DNHD1: variants seen among roughly 807,000 people sequenced by gnomAD.
DNHD1 encodes dynein heavy chain domain-containing protein 1.
DNHD1 carries 383 observed loss-of-function variants against 458.1 expected under a neutral mutation model. The observed-to-expected ratio is 0.84, with a 90% CI of 0.77 to 0.91. The LOEUF (loss-of-function observed/expected upper bound fraction) is 0.91, where lower values mean the gene tolerates loss of function less well. Among genes scored for constraint, DNHD1 ranks in the 40% least tolerant of loss-of-function variants. The pLI, the probability that DNHD1 is intolerant of heterozygous loss-of-function variation, is 0.00. For missense variants in DNHD1, 5,336 were observed against 5,866.1 expected, an observed-to-expected ratio of 0.91 and a Z score of 2.95; for synonymous variants, 2,203 against 2,376.9, an observed-to-expected ratio of 0.93 and a Z score of 2.13.
rs1390283892 is a variant in DNHD1, at chr11:6,508,892, G to C, written c.933G>C (p.Leu311=). The change falls in exon 5 of 43, where the codon CTG becomes CTC. Residue 311 remains leucine, a synonymous_variant. Transcript: ENST00000254579. ...APSRYFRPYS[L]MVVPPDKVNP... ...TCTTTTTTTAAAGGCCTTACAGCCTGATGGTGGTGCCACCCGACAAGGTGA... is the reference window on the plus strand; with the variant it reads ...TCTTTTTTTAAAGGCCTTACAGCCTCATGGTGGTGCCACCCGACAAGGTGA... The C allele has an allele frequency of 6.2e-7, 1 of 1,614,080 alleles. No individual in the cohort carries two copies. The highest frequency in any genetic ancestry group is 8.5e-7 in the Non-Finnish European group (1 of 1,180,032).
chr11:6,568,752 A>G lies in DNHD1; in HGVS notation c.12749A>G (p.Gln4250Arg), dbSNP rs373954162. The G allele has an allele frequency of 3.7e-6, 6 of 1,613,640 alleles. No homozygotes were observed. The highest frequency in any genetic ancestry group is 5.1e-6 in the Non-Finnish European group (6 of 1,179,764). Residue 4250 changes from glutamine to arginine, a missense_variant, in exon 39 of 43, where the codon CAG (glutamine) becomes CGG (arginine). By Grantham distance (43) the Gln-to-Arg change is conservative (BLOSUM62 1). Transcript: ENST00000254579. ...TTGATTGACAGTGTGGAGCTAGCCC[A>G]GCAAGTACTCTACATGCAACCCCCC... ...HVLIDSVELA[Q>R]QVLYMQPPTQ...
At chr11:6,550,139 A>G (rs1054012987) in intron 24 of DNHD1, among the ~76,000 whole-genome samples, 4 of 152,256 alleles carry the variant, frequency 2.6e-5, no homozygotes, top group Non-Finnish European at 5.9e-5. Context: ...TGTCTATGTC[A>G]TCTTCAGTGC....
rs1441019393 is a variant in DNHD1 at position 6,519,829 on chromosome 11, C to A, written c.1622C>A (p.Thr541Asn). 2 of 1,612,742 alleles carry A rather than the reference C, an allele frequency of 1.2e-6. No individual in the cohort carries two copies. The highest frequency in any genetic ancestry group is 3.3e-5 in the Admixed American group (2 of 60,018). ...ATTTCTGTCTTGGAAGAGCAGATAA[C>A]CTCTTTTGTGGCCAACATCCTTCAA... ...SLISVLEEQI[T>N]SFVANILQAP... The change falls in exon 8 of 43, where the codon ACC (threonine) becomes AAC (asparagine). Residue 541 changes from threonine (T) to asparagine (N), a missense_variant. Physicochemically the swap from Thr to Asn is moderately conservative, Grantham distance 65 (BLOSUM62 0). Coordinates refer to ENST00000254579, the MANE Select transcript of DNHD1 (RefSeq NM_144666.3).
Position 6,552,286 on chromosome 11 carries a change from G to A in DNHD1, c.7387+3353G>A, listed in dbSNP as rs1248151868. ...CGCCTGTAATCCCAGCACTTTGGGAGGCTGAGGCAGGTTGATCCCTTGAGG... is the reference window on the plus strand; with the variant it reads ...CGCCTGTAATCCCAGCACTTTGGGAAGCTGAGGCAGGTTGATCCCTTGAGG... On this transcript the variant is annotated intron_variant, in intron 24 of 42. Transcript: ENST00000254579. Among the ~76,000 whole-genome samples, 9 of 152,072 alleles carry A rather than the reference G, an allele frequency of 5.9e-5. 1 individual carries two copies. Among genetic ancestry groups the A allele is most frequent in the South Asian group, 2.1e-4 (1 of 4,824 alleles).
In DNHD1 at chr11:6,558,937, C is replaced by T; in HGVS notation, c.9247C>T (p.Pro3083Ser). ...GTACCCAGACCTCCAGGCCTCAATT[C>T]CCAGTGTGGCCAAAGCCATGGCTCT... is the stretch of plus-strand genomic sequence containing the variant. The part of the protein sequence containing the change: ...WKYPDLQASI[P>S]SVAKAMALIH... Residue 3083 changes from proline (P) to serine (S), a missense_variant, in exon 27 of 43, where the codon CCC (proline) becomes TCC (serine). Physicochemically the swap from Pro to Ser is moderately conservative, Grantham distance 74 (BLOSUM62 -1). Around this residue, in one of 4 missense-constraint regions of DNHD1, gnomAD observed 3,932 missense variants for 4,365.6 expected, o/e 0.90. Coordinates refer to ENST00000254579, the MANE Select transcript of DNHD1 (RefSeq NM_144666.3). The T allele has an allele frequency of 1.3e-6, 2 of 1,551,708 alleles. No individual in the cohort carries two copies. Among genetic ancestry groups the T allele is most frequent in the Non-Finnish European group, 8.7e-7 (1 of 1,146,994 alleles).
Position 6,546,781 on chromosome 11 carries a change from A to G in DNHD1, c.5842A>G (p.Thr1948Ala). Residue 1948 changes from threonine (T) to alanine (A), a missense_variant, in exon 21 of 43, where the codon ACT becomes GCT. Coordinates refer to ENST00000254579, the MANE Select transcript of DNHD1 (RefSeq NM_144666.3). ...CAGCCAAGTGCTGGCAGAACCTATGACTTACAAGCTGATGAAGCCATTGGT... is the reference window on the plus strand; with the variant it reads ...CAGCCAAGTGCTGGCAGAACCTATGGCTTACAAGCTGATGAAGCCATTGGT... The part of the protein sequence containing the change: ...SASQVLAEPM[T>A]YKLMKPLVVE... 1.3e-6 allele frequency: 2 copies of G among 1,551,786 alleles called. No homozygotes were observed. The highest frequency in any genetic ancestry group is 2.4e-5 in the South Asian group (2 of 84,068).
chr11:6,569,980 A>G (rs1853802016), intron 39 of DNHD1, 29 bp from the exon 40 acceptor site: 1 of 1,598,832 alleles, frequency 6.3e-7, no homozygotes, highest in Admixed American at 1.7e-5. Context: ...ATGATATGTG[A>G]AACCCTGCTT....
chr11:6,536,603 T>C (rs1165342374), intron 14 of DNHD1, among the ~76,000 whole-genome samples: 1 of 152,194 alleles, frequency 6.6e-6, no homozygotes, highest in Non-Finnish European at 1.5e-5. Context: ...TCTATACCTA[T>C]GGAAGATAGA....
chr11:6,552,850 A>G (rs1019551610), intron 24 of DNHD1, among the ~76,000 whole-genome samples: 4 of 152,198 alleles, frequency 2.6e-5, no homozygotes, highest in Non-Finnish European at 5.9e-5. Context: ...CCTTACAAAA[A>G]CATAACTTGT....
intron 7 of DNHD1, among the ~76,000 whole-genome samples, chr11:6,513,993 G>A (rs905778126): frequency 6.6e-6 from 1 of 152,096 alleles, no homozygotes; most frequent in Non-Finnish European, 1.5e-5. Flanking sequence ...ACAGGCACCT[G>A]CCACCACGCC....
chr11:6,519,570 A>G (rs759786871), intron 7 of DNHD1, 30 bp from the exon 8 acceptor site: 55 of 1,612,216 alleles, frequency 3.4e-5, no homozygotes, highest in Non-Finnish European at 4.4e-5. Flanking sequence ...CCATCCCCCT[A>G]TCTGGTGAGT....
chr11:6,566,506 C>T, intron 34 of DNHD1, 81 bp from the exon 35 acceptor site: 1 of 1,562,908 alleles, frequency 6.4e-7, no homozygotes, highest in Non-Finnish European at 8.7e-7. Flanking sequence ...AGGTCTATAG[C>T]AGGGAGCCAT....
intron 10 of DNHD1, 118 bp from the exon 11 acceptor site, chr11:6,528,404 G>GTGTGTGTGTGTGT: frequency 1.1e-6 from 1 of 880,196 alleles, no homozygotes; most frequent in South Asian, 1.9e-5. Context: ...GCAGCGAATG[G>GTGTGTGTGTGTGT]GTGTGTGTGT....
At chr11:6,547,796 TTTTC>T in intron 21 of DNHD1, 63 bp from the exon 22 acceptor site, 1 of 1,537,908 alleles carries the variant, frequency 6.5e-7, no homozygotes, top group Non-Finnish European at 8.8e-7. Flanking sequence ...TGTCAACCTT[TTTTC>T]TTTCTTTCAC....
chr11:6,569,578 TTG>T lies in DNHD1; in HGVS notation c.12864-425_12864-424del, dbSNP rs527718519. The stretch of plus-strand genomic sequence containing the variant: ...AGTAGAAGAAGAAACAATATCCTTT[TTG>T]TGTGTTGGAAGGATCACTCTGGATG... On this transcript the variant is annotated intron_variant, in intron 39 of 42. Transcript: ENST00000254579. Among the ~76,000 whole-genome samples the T allele has an allele frequency of 2.4e-3, 358 of 152,190 alleles. 4 individuals are homozygous for T. The highest frequency in any genetic ancestry group is 7.7e-3 in the African/African-American group (319 of 41,520).
intron 3 of DNHD1, among the ~76,000 whole-genome samples, chr11:6,501,920 G>T (rs868052280): frequency 1.3e-5 from 2 of 152,204 alleles, no homozygotes; most frequent in South Asian, 4.1e-4. Flanking sequence ...AAACCATATT[G>T]TTGATATGAA....
chr11:6,559,398 C>T, intron 28 of DNHD1, 115 bp downstream of exon 28: 11 of 892,146 alleles, frequency 1.2e-5, no homozygotes, highest in Non-Finnish European at 1.9e-5. Context: ...CTTCCCCTTT[C>T]CCTAGGAAAT....
At chr11:6,499,063 T>C in intron 3 of DNHD1, 102 bp downstream of exon 3, 3 of 1,348,780 alleles carry the variant, frequency 2.2e-6, no homozygotes, top group Non-Finnish European at 3.0e-6. Flanking sequence ...GCTCTCTGTT[T>C]ATCACAGGGA....
chr11:6,537,868 T>C (rs1589880854), intron 14 of DNHD1, among the ~76,000 whole-genome samples: 1 of 151,978 alleles, frequency 6.6e-6, no homozygotes, highest in South Asian at 2.1e-4. Context: ...GAGGCAGAGG[T>C]TGCAGTGAGC....
Sources: gnomAD v4.1 joint callset for allele counts (sites outside exome capture counted in the v4.1 genomes callset) on GRCh38, gnomAD v4.1.1 for gene constraint, gnomAD v4.1.1 regional missense constraint, MANE v1.5 for transcripts, NCBI Gene and HGNC (gene_info 2026-07-23, HGNC 2026-07-21) for gene names.